The following ABCA1 variants were observed in gnomAD, a reference collection of about 807,000 sequenced individuals.
ABCA1 encodes ATP binding cassette subfamily A member 1, also known as phospholipid-transporting ATPase ABCA1.
A neutral mutation model predicts 262.5 loss-of-function variants in ABCA1; 133 were observed. That is an observed-to-expected ratio of 0.51 (90% CI 0.44 to 0.59). The LOEUF is 0.59. ABCA1 is among the 20% of genes least tolerant of loss of function. The probability of loss-of-function intolerance (pLI) is 0.00; values close to 1 mark genes in which losing one functional copy is unlikely to be tolerated. For synonymous variants in ABCA1, 1,022 were observed against 1,043.5 expected, an observed-to-expected ratio of 0.98 and a Z score of 0.40; for missense variants, 2,452 against 2,777.5, an observed-to-expected ratio of 0.88 and a Z score of 2.63.
At chr9:104,909,637 C>T (rs1841379070) in intron 1 of ABCA1, among the ~76,000 whole-genome samples, 2 of 150,980 alleles carry the variant, frequency 1.3e-5, no homozygotes, top group African/African-American at 4.9e-5. Context: ...CACACACACA[C>T]ACACACACAC....
chr9:104,896,711 C>CTTTTTTTTTTTTTTTTTTT (rs56710442), intron 2 of ABCA1, among the ~76,000 whole-genome samples: 2 of 36,988 alleles, frequency 5.4e-5, no homozygotes, highest in African/African-American at 1.1e-4. Context: ...CCCTACACAT[C>CTTTTTTTTTTTTTTTTTTT]TTTTTTTTTT....
At chr9:104,877,942 T>G (rs1838292886) in intron 5 of ABCA1, among the ~76,000 whole-genome samples, 2 of 152,230 alleles carry the variant, frequency 1.3e-5, no homozygotes, top group Non-Finnish European at 2.9e-5. Flanking sequence ...TTTAATTATA[T>G]TTTTCCTGTT....
intron 27 of ABCA1, among the ~76,000 whole-genome samples, chr9:104,813,212 G>A (rs1203219257): frequency 1.3e-5 from 2 of 152,156 alleles, no homozygotes; most frequent in African/African-American, 2.4e-5. Flanking sequence ...TATATATAAT[G>A]TAAGAGCCAT....
intron 7 of ABCA1, among the ~76,000 whole-genome samples, chr9:104,857,832 G>A (rs1328622733): frequency 6.6e-6 from 1 of 152,190 alleles, no homozygotes; most frequent in African/African-American, 2.4e-5. Flanking sequence ...AAATGATGAT[G>A]TTTGGGGTAG....
At chr9:104,896,270 A>G (rs1424121576) in intron 2 of ABCA1, among the ~76,000 whole-genome samples, 1 of 152,206 alleles carries the variant, frequency 6.6e-6, no homozygotes, top group African/African-American at 2.4e-5. Context: ...TACTATCCAC[A>G]GTGAGAATGG....
chr9:104,788,079 C>T (rs756936070), intron 45 of ABCA1, 25 bp from the exon 46 acceptor site: 12 of 1,613,164 alleles, frequency 7.4e-6, no homozygotes, highest in Middle Eastern at 1.6e-4. Context: ...AGCACCTTGA[C>T]TTTGGTCTGG....
intron 2 of ABCA1, among the ~76,000 whole-genome samples, chr9:104,891,771 G>C (rs1050052027): frequency 6.6e-6 from 1 of 151,064 alleles, no homozygotes; most frequent in African/African-American, 2.4e-5. Context: ...TTTGAGACCA[G>C]CCTGGCCAAC....
intron 5 of ABCA1, among the ~76,000 whole-genome samples, chr9:104,864,235 A>G (rs1836877663): frequency 6.6e-6 from 1 of 152,182 alleles, no homozygotes; most frequent in East Asian, 1.9e-4. Context: ...TCTGAGTACC[A>G]TCATAGGAGA....
At position 104,903,881 on chromosome 9, in the gene ABCA1, C is replaced by G. The variant is rs1484355618; in HGVS notation, c.-92-110G>C. On this transcript the variant is annotated intron_variant, in intron 1 of 49. Coordinates refer to ENST00000374736, the MANE Select transcript of ABCA1 (RefSeq NM_005502.4). The stretch of plus-strand genomic sequence containing the variant: ...CAGCTGAGACCTCCAACACACAGCT[C>G]TGCATCATGACTGCTTCTCAATGGA... The G allele has an allele frequency of 8.1e-6, 5 of 619,544 alleles. No individual in the cohort carries two copies. In the Admixed American group the frequency reaches 1.0e-4, roughly 13 times the overall value. The allele number at this position is 619,544 out of a possible 1,614,324, so 38.4% of individuals were successfully genotyped here. A position where few individuals can be genotyped will look rare whatever the true frequency, so the allele number is the denominator to read the frequency against.
rs201011354 is a variant in ABCA1, at chr9:104,837,104, C to T, written c.1195-8G>A. On this transcript the variant is annotated splice_region_variant and splice_polypyrimidine_tract_variant and intron_variant, in intron 10 of 49. Transcript: ENST00000374736. ...CTGGAAGGTCTTGTTCACCTGGAGT[C>T]AGGTGGGGAGCCAGGGACCGCAGAA... The T allele has an allele frequency of 1.6e-4, 254 of 1,608,920 alleles. 1 individual carries two copies. Among genetic ancestry groups the T allele is most frequent in the Non-Finnish European group, 7.8e-5 (92 of 1,176,858 alleles).
At position 104,837,491 on chromosome 9, in the gene ABCA1, C is replaced by A. The variant is rs755139138; in HGVS notation, c.1131G>T (p.Pro377=). Residue 377 remains proline, a synonymous_variant, in exon 10 of 50, where the codon CCG becomes CCT. Coordinates refer to ENST00000374736, the MANE Select transcript of ABCA1 (RefSeq NM_005502.4). The part of the protein sequence containing the change: ...LSRIIWKALK[P]LLVGKILYTP... ...TATACAGGATCTTCCCAACGAGCAG[C>A]GGCTTCAGAGCTTTCCAGATAATGC... 2 of 1,614,006 alleles carry A rather than the reference C, an allele frequency of 1.2e-6. No individual in the cohort carries two copies. Among genetic ancestry groups the A allele is most frequent in the Non-Finnish European group, 8.5e-7 (1 of 1,180,004 alleles).
At chr9:104,882,871 T>C (rs569516686) in intron 5 of ABCA1, among the ~76,000 whole-genome samples, 168 bp downstream of exon 5, 1 of 152,236 alleles carries the variant, frequency 6.6e-6, no homozygotes, top group East Asian at 1.9e-4. Context: ...CTCCCCTAGT[T>C]TCTTCACCAA....
At chr9:104,853,311 G>C (rs1432262397) in intron 7 of ABCA1, among the ~76,000 whole-genome samples, 1 of 152,224 alleles carries the variant, frequency 6.6e-6, no homozygotes, top group African/African-American at 2.4e-5. Context: ...CTGAGGCAAT[G>C]GTGAGTCAAG....
At position 104,806,811 on chromosome 9, in the gene ABCA1, T is replaced by C. The variant is rs553514001; in HGVS notation, c.4275-381A>G. 3.3e-5 allele frequency among the ~76,000 whole-genome samples: 5 copies of C among 152,230 alleles called. No individual in the cohort carries two copies. In the East Asian group the frequency reaches 9.7e-4, roughly 29 times the overall value. On this transcript the variant is annotated intron_variant, in intron 30 of 49. Transcript: ENST00000374736. Reference sequence around the variant, plus strand: ...CCTAAGGTGAAAATACCTGCCTTCATGGAGGTGTATGCCCATGGAGGAGAC... The same window carrying C: ...CCTAAGGTGAAAATACCTGCCTTCACGGAGGTGTATGCCCATGGAGGAGAC...
Position 104,784,217 on chromosome 9 carries a change from A to G in ABCA1, c.*98T>C. ...TACAGTATCCAGTTTACTTCTTCCC[A>G]CATCAACTTCTGGCTCTTTTCTCCA... On this transcript the variant is annotated 3_prime_UTR_variant, in exon 50 of 50. Transcript: ENST00000374736. 5.3e-6 allele frequency: 8 copies of G among 1,501,468 alleles called. No individual in the cohort carries two copies. The highest frequency in any genetic ancestry group is 7.4e-6 in the Non-Finnish European group (8 of 1,083,130). 93.0% of individuals were successfully genotyped at this position (1,501,468 alleles called of 1,614,324 possible). A position where few individuals can be genotyped will look rare whatever the true frequency, so the allele number is the denominator to read the frequency against.
chr9:104,907,054 C>G (rs1841198108), intron 1 of ABCA1, among the ~76,000 whole-genome samples: 1 of 152,196 alleles, frequency 6.6e-6, no homozygotes, highest in Non-Finnish European at 1.5e-5. Context: ...AGCACCTGAA[C>G]ATAGAGTCCA....
chr9:104,883,920 C>T (rs1192728245), intron 4 of ABCA1, among the ~76,000 whole-genome samples: 1 of 152,236 alleles, frequency 6.6e-6, no homozygotes, highest in East Asian at 1.9e-4. Flanking sequence ...GGGCAGCATC[C>T]TGCTTTGCTC....
At chr9:104,787,317 A>G (rs138278609) in intron 46 of ABCA1, among the ~76,000 whole-genome samples, 123 of 152,190 alleles carry the variant, frequency 8.1e-4, no homozygotes, top group Non-Finnish European at 5.9e-5. Flanking sequence ...TGAAACCTCT[A>G]TTGAAGTCAG....
At chr9:104,808,084 C>T (rs2118919887) in intron 30 of ABCA1, among the ~76,000 whole-genome samples, 1 of 152,210 alleles carries the variant, frequency 6.6e-6, no homozygotes, top group Admixed American at 6.5e-5. Context: ...TTAAATACAG[C>T]TGAGACATGC....
Sources: allele counts gnomAD v4.1 joint callset (sites outside exome capture counted in the v4.1 genomes callset), GRCh38; gene constraint gnomAD v4.1.1; transcripts MANE v1.5; gene names NCBI Gene and HGNC (gene_info 2026-07-23, HGNC 2026-07-21).